The following HMCN1 variants were observed in gnomAD, a reference collection of about 807,000 sequenced individuals.
The protein encoded by HMCN1 is hemicentin 1.
In HMCN1, 321 loss-of-function variants were observed where a neutral mutation model predicts 625.9. The ratio of observed to expected loss-of-function variants is 0.51; its 90% confidence interval spans 0.47 to 0.56. The LOEUF is 0.56. Ranked by LOEUF, HMCN1 falls within the 20% of genes least tolerant of loss-of-function variation. HMCN1 has a pLI of 0.00. For synonymous variants in HMCN1, 2,425 were observed against 2,417.6 expected, an observed-to-expected ratio of 1.00 and a Z score of -0.09; for missense variants, 6,588 against 6,887.3, an observed-to-expected ratio of 0.96 and a Z score of 1.54.
At chr1:185,913,720 A>G (rs914848418) in intron 6 of HMCN1, among the ~76,000 whole-genome samples, 1 of 152,150 alleles carries the variant, frequency 6.6e-6, no homozygotes, top group Non-Finnish European at 1.5e-5. Context: ...TCTTGCCCAG[A>G]GGAGGGATAT....
At chr1:186,126,234 T>G (rs1025577449) in intron 82 of HMCN1, among the ~76,000 whole-genome samples, 2 of 141,628 alleles carry the variant, frequency 1.4e-5, no homozygotes, top group African/African-American at 5.5e-5. Context: ...AAGCAGTCAT[T>G]AATATTCAAC....
chr1:186,136,576 C>T, intron 86 of HMCN1, 92 bp from the exon 87 acceptor site: 5 of 1,219,130 alleles, frequency 4.1e-6, no homozygotes, highest in Non-Finnish European at 6.0e-6. Flanking sequence ...AAATCAATCA[C>T]TTTTTTCAAA....
chr1:185,782,366 T>A (rs946252893), intron 1 of HMCN1, among the ~76,000 whole-genome samples: 1 of 152,236 alleles, frequency 6.6e-6, no homozygotes, highest in East Asian at 1.9e-4. Flanking sequence ...AATATTGTTA[T>A]GTGTGAATGT....
At position 186,016,197 on chromosome 1, in the gene HMCN1, G is replaced by A. The variant is rs770741600; in HGVS notation, c.5149G>A (p.Val1717Met). 7 of 1,613,312 alleles carry A rather than the reference G, an allele frequency of 4.3e-6. No individual in the cohort carries two copies. Among genetic ancestry groups the A allele is most frequent in the Non-Finnish European group, 5.9e-6 (7 of 1,179,446 alleles). The change falls in exon 32 of 107, where the codon GTG becomes ATG. Residue 1717 changes from valine (V) to methionine (M), a missense_variant. Val to Met is a conservative substitution (Grantham distance 21). Around this residue, in one of 3 missense-constraint regions of HMCN1, gnomAD observed 4,628 missense variants for 4,853.1 expected, o/e 0.95. Transcript: ENST00000271588. ...ACAGTACATATGCGTGGCTACCAGT[G>A]TGGCAGGAGAAAAGGAAATCAAATA... ...RGQYICVATSVAGEKEIKYEV... is the reference protein window; with the variant it reads ...RGQYICVATSMAGEKEIKYEV...
chr1:185,982,451 T>A, intron 18 of HMCN1, 62 bp downstream of exon 18: 1 of 1,529,064 alleles, frequency 6.5e-7, no homozygotes, highest in Non-Finnish European at 9.0e-7. Context: ...CTTTTTTTTT[T>A]TTTTTCTTTG....
rs531776081 is a variant in HMCN1 at position 185,756,849 on chromosome 1, T to C, written c.268+21802T>C. ...GTCCAATGACTATCATTTTTTTTTT[T>C]TACTTCTATGATAACTTTCCACCTG... On this transcript the variant is annotated intron_variant, in intron 1 of 106. Coordinates refer to ENST00000271588, the MANE Select transcript of HMCN1 (RefSeq NM_031935.3). Among the ~76,000 whole-genome samples the C allele has an allele frequency of 3.8e-4, 58 of 152,300 alleles. No homozygotes were observed. In the Middle Eastern group the frequency reaches 0.017, roughly 45 times the overall value.
intron 1 of HMCN1, among the ~76,000 whole-genome samples, chr1:185,747,467 C>T (rs191142400): frequency 1.3e-5 from 2 of 152,132 alleles, no homozygotes; most frequent in Non-Finnish European, 2.9e-5. Context: ...TACAGGCACA[C>T]ACTACCATAC....
At position 186,178,686 on chromosome 1, in the gene HMCN1, G is replaced by T; in HGVS notation, c.16214G>T (p.Arg5405Ile). Residue 5405 changes from arginine (R) to isoleucine (I), a missense_variant, in exon 104 of 107, where the codon AGA becomes ATA. Arg to Ile is a moderately conservative substitution (Grantham distance 97). This residue lies in a region of HMCN1 where 1,954 missense variants were observed against 2,013.1 expected (regional missense o/e 0.97). Coordinates refer to ENST00000271588, the MANE Select transcript of HMCN1 (RefSeq NM_031935.3). ...TCCTACTCAGAGTATAGAAACAGCA[G>T]AACATCTCTCTCCAGGACTAGAAGG... The part of the protein sequence containing the change: ...YSSYSEYRNS[R>I]TSLSRTRRTI... The T allele has an allele frequency of 6.2e-7, 1 of 1,614,118 alleles. No individual in the cohort carries two copies. Among genetic ancestry groups the T allele is most frequent in the Non-Finnish European group, 8.5e-7 (1 of 1,179,976 alleles).
chr1:185,856,031 A>T (rs1317444138), intron 2 of HMCN1, among the ~76,000 whole-genome samples: 1 of 152,226 alleles, frequency 6.6e-6, no homozygotes, highest in Non-Finnish European at 1.5e-5. Context: ...AGCACATGTC[A>T]CTGACGAACT....
chr1:186,106,750 CGTA>C lies in HMCN1; in HGVS notation c.10771-131_10771-129del. Reference sequence around the variant, plus strand: ...CAATGCTTTCTATCAGAGTGCTAATCGTAGTGTTAAACAGTTGGCTTTAATTAT... The same window carrying C: ...CAATGCTTTCTATCAGAGTGCTAATCGTGTTAAACAGTTGGCTTTAATTAT... On this transcript the variant is annotated intron_variant, in intron 69 of 106. Coordinates refer to ENST00000271588, the MANE Select transcript of HMCN1 (RefSeq NM_031935.3). 4.2e-6 allele frequency: 3 copies of C among 708,714 alleles called. No homozygotes were observed. The Admixed American group carries it at 5.8e-5, about 14-fold the overall frequency. The allele number at this position is 708,714 out of a possible 1,614,324, so 43.9% of individuals were successfully genotyped here.
At position 185,817,200 on chromosome 1, in the gene HMCN1, T is replaced by TAGCA. The variant is rs540050894; in HGVS notation, c.269-28825_269-28822dup. 2.4e-3 allele frequency among the ~76,000 whole-genome samples: 361 copies of TAGCA among 152,198 alleles called. 2 individuals carry two copies. The highest frequency in any genetic ancestry group is 6.8e-3 in the Middle Eastern group (2 of 294). ...ACATGTTGTGTGTGCAAGAGACAAG[T>TAGCA]AGCATATCCCCAGTGGCTATAGGTC... On this transcript the variant is annotated intron_variant, in intron 1 of 106. Transcript: ENST00000271588.
intron 2 of HMCN1, among the ~76,000 whole-genome samples, chr1:185,854,359 C>T (rs1241455322): frequency 6.6e-6 from 1 of 152,082 alleles, no homozygotes; most frequent in Non-Finnish European, 1.5e-5. Flanking sequence ...TATCACTTGT[C>T]CAGTTACCCC....
In HMCN1 at chr1:186,189,999, T is replaced by C; in HGVS notation, c.*121T>C. The C allele has an allele frequency of 4.3e-6, 5 of 1,149,684 alleles. No individual in the cohort carries two copies. The highest frequency in any genetic ancestry group is 6.5e-6 in the Non-Finnish European group (5 of 772,556). The allele number at this position is 1,149,684 out of a possible 1,614,324, so 71.2% of individuals were successfully genotyped here. On this transcript the variant is annotated 3_prime_UTR_variant, in exon 107 of 107. Coordinates refer to ENST00000271588, the MANE Select transcript of HMCN1 (RefSeq NM_031935.3). ...TGGCAGCTTGAAAATGGTGCTACAC[T>C]CTGTTTTGTGTGCCTTCCTTGGTAC...
intron 1 of HMCN1, among the ~76,000 whole-genome samples, chr1:185,738,053 C>T (rs941005320): frequency 1.3e-4 from 20 of 152,076 alleles, no homozygotes; most frequent in Non-Finnish European, 2.1e-4. Context: ...CATGGAAAGG[C>T]GAGCCAACCT....
chr1:186,058,380 C>T (rs982023024), intron 46 of HMCN1, among the ~76,000 whole-genome samples: 2 of 151,802 alleles, frequency 1.3e-5, no homozygotes, highest in Non-Finnish European at 2.9e-5. Flanking sequence ...ATAAGAAAAG[C>T]AAGAGATCGT....
At position 185,734,451 on chromosome 1, in the gene HMCN1, C is replaced by CGCCGCAGG; in HGVS notation, c.-328_-321dup. 3.8e-6 allele frequency: 1 copy of CGCCGCAGG among 261,282 alleles called. No individual in the cohort carries two copies. The highest frequency in any genetic ancestry group is 7.2e-6 in the Non-Finnish European group (1 of 139,266). The allele number at this position is 261,282 out of a possible 1,614,324, so 16.2% of individuals were successfully genotyped here. ...GAGGGCAGCGGGATTCGGGCCGCGG[C>CGCCGCAGG]GCCGCAGGCTCAGAGCTGCCCCCGG... is the stretch of plus-strand genomic sequence containing the variant. On this transcript the variant is annotated 5_prime_UTR_variant, in exon 1 of 107. Transcript: ENST00000271588.
chr1:185,798,143 C>A (rs541105005), intron 1 of HMCN1, among the ~76,000 whole-genome samples: 3 of 152,168 alleles, frequency 2.0e-5, no homozygotes, highest in Non-Finnish European at 4.4e-5. Context: ...AAAGACTTTA[C>A]TTCTCCTTCA....
intron 29 of HMCN1, among the ~76,000 whole-genome samples, chr1:186,006,251 G>C (rs1183315729): frequency 6.6e-6 from 1 of 151,972 alleles, no homozygotes; most frequent in Non-Finnish European, 1.5e-5. Flanking sequence ...GCTACCATAG[G>C]AAGTGAAATG....
chr1:185,798,575 C>A (rs1397748776), intron 1 of HMCN1, among the ~76,000 whole-genome samples: 1 of 151,940 alleles, frequency 6.6e-6, no homozygotes. Context: ...TTAACAAATT[C>A]TTTTTTTCTT....
Sources: allele counts gnomAD v4.1 joint callset (sites outside exome capture counted in the v4.1 genomes callset), GRCh38; gene constraint gnomAD v4.1.1; regional missense constraint gnomAD v4.1.1; transcripts MANE v1.5; gene names NCBI Gene and HGNC (gene_info 2026-07-23, HGNC 2026-07-21).